Variants in TIAM2 observed in about 807,000 individuals in gnomAD.
The protein encoded by TIAM2 is rho guanine nucleotide exchange factor TIAM2.
A neutral mutation model predicts 152.9 loss-of-function variants in TIAM2; 80 were observed. That is an observed-to-expected ratio of 0.52 (90% CI 0.44 to 0.63). TIAM2 has a LOEUF of 0.63. Among genes scored for constraint, TIAM2 ranks in the 30% least tolerant of loss-of-function variants. The pLI is 0.00. For missense variants in TIAM2, 1,965 were observed against 2,120.1 expected, an observed-to-expected ratio of 0.93 and a Z score of 1.44; for synonymous variants, 804 against 838.0, an observed-to-expected ratio of 0.96 and a Z score of 0.70.
intron 1 of TIAM2, among the ~76,000 whole-genome samples, chr6:155,051,316 A>T (rs1777311665): frequency 1.3e-5 from 2 of 152,204 alleles, no homozygotes; most frequent in East Asian, 3.9e-4. Context: ...CTGGGAGCAG[A>T]GCCCGCTTAC....
At chr6:155,167,962 C>T (rs952502422) in intron 9 of TIAM2, among the ~76,000 whole-genome samples, 6 of 152,076 alleles carry the variant, frequency 3.9e-5, no homozygotes, top group African/African-American at 1.4e-4. Flanking sequence ...ATGGTTTTTA[C>T]CCAGCATCTG....
chr6:155,202,021 A>T (rs1427117719), intron 14 of TIAM2, among the ~76,000 whole-genome samples: 1 of 106,034 alleles, frequency 9.4e-6, no homozygotes, highest in Non-Finnish European at 1.9e-5. Flanking sequence ...TTTCCCTGAC[A>T]TGAGTCATAA....
chr6:155,088,822 T>C (rs1778231891), intron 1 of TIAM2, among the ~76,000 whole-genome samples: 1 of 152,086 alleles, frequency 6.6e-6, no homozygotes, highest in African/African-American at 2.4e-5. Context: ...TTTTAAAAGC[T>C]CATCAGCTAT....
chr6:155,185,861 T>A (rs1316240953), intron 14 of TIAM2, among the ~76,000 whole-genome samples: 2 of 152,146 alleles, frequency 1.3e-5, no homozygotes, highest in Non-Finnish European at 2.9e-5. Flanking sequence ...TCCCCTCTCC[T>A]AAGCTCCAGG....
chr6:155,189,904 T>C (rs1162611484), intron 14 of TIAM2, among the ~76,000 whole-genome samples: 2 of 152,078 alleles, frequency 1.3e-5, no homozygotes, highest in Non-Finnish European at 2.9e-5. Context: ...GGACAGGCCA[T>C]GGACCTGGAG....
intron 1 of TIAM2, among the ~76,000 whole-genome samples, chr6:155,045,357 C>T (rs1026157728): frequency 2.4e-4 from 37 of 151,954 alleles, no homozygotes; most frequent in South Asian, 2.1e-4. Flanking sequence ...CCACCACGCC[C>T]GGCAGAAAGC....
chr6:155,001,047 C>G (rs1479331732), intron 1 of TIAM2, among the ~76,000 whole-genome samples: 1 of 152,088 alleles, frequency 6.6e-6, no homozygotes, highest in Non-Finnish European at 1.5e-5. Flanking sequence ...TTTAGGGAAG[C>G]AAGCCTGGAA....
chr6:155,147,837 G>A (rs73794471), intron 6 of TIAM2, among the ~76,000 whole-genome samples: 2,398 of 152,248 alleles, frequency 0.016, 25 homozygotes, highest in Middle Eastern at 0.058. Context: ...CTCCCCTGTT[G>A]TTCTTATCAC....
chr6:155,118,349 T>C (rs1026433589), intron 2 of TIAM2, among the ~76,000 whole-genome samples: 13 of 152,318 alleles, frequency 8.5e-5, no homozygotes, highest in Admixed American at 8.5e-4. Flanking sequence ...TGGAGCACCG[T>C]GTCTTTGAAC....
intron 1 of TIAM2, among the ~76,000 whole-genome samples, chr6:155,030,534 G>A (rs768440560): frequency 1.3e-5 from 2 of 152,138 alleles, no homozygotes; most frequent in Non-Finnish European, 2.9e-5. Context: ...CAAACCGCAA[G>A]CCTCCTGGTA....
rs184312685 is a variant in TIAM2, at chr6:155,028,286, T to A, written c.-209+32794T>A. Among the ~76,000 whole-genome samples the A allele has an allele frequency of 2.3e-5, 3 of 130,220 alleles. 1 individual carries two copies. Among genetic ancestry groups the A allele is most frequent in the African/African-American group, 8.7e-5 (3 of 34,644 alleles). The allele number at this position is 130,220 out of a possible 152,430, so 85.4% of individuals were successfully genotyped here. On this transcript the variant is annotated intron_variant, in intron 1 of 26. Coordinates refer to ENST00000682666, the MANE Select transcript of TIAM2 (RefSeq NM_012454.4). Reference sequence around the variant, plus strand: ...TACTACATATAATATATGTACTGTGTTACATATATACTACATATATGTACT... The same window carrying A: ...TACTACATATAATATATGTACTGTGATACATATATACTACATATATGTACT...
intron 14 of TIAM2, among the ~76,000 whole-genome samples, chr6:155,191,045 G>T (rs1041428918): frequency 6.6e-6 from 1 of 152,194 alleles, no homozygotes; most frequent in Non-Finnish European, 1.5e-5. Flanking sequence ...CTCGTGTTTA[G>T]AGATAACTGT....
chr6:155,182,107 G>T (rs1243226296), intron 12 of TIAM2, 119 bp from the exon 13 acceptor site: 3 of 760,914 alleles, frequency 3.9e-6, no homozygotes, highest in South Asian at 3.7e-5. Flanking sequence ...CTGTAATTTC[G>T]ACTTTCTCAA....
At position 155,176,891 on chromosome 6, in the gene TIAM2, T is replaced by C. The variant is rs747789239; in HGVS notation, c.2437T>C (p.Tyr813His). ...PRDNAWEIQT[Y>H]VHFQDNHGVT... is the part of the protein sequence containing the mutation. ...AGACAATGCATGGGAAATCCAGACT[T>C]ATGTCCACTTTCAGGACAATCACGG... The change falls in exon 10 of 27, where the codon TAT (tyrosine) becomes CAT (histidine). Residue 813 changes from tyrosine to histidine, a missense_variant. Physicochemically the swap from Tyr to His is moderately conservative, Grantham distance 83 (BLOSUM62 2). Transcript: ENST00000682666. 9.3e-6 allele frequency: 15 copies of C among 1,613,996 alleles called. No homozygotes were observed. The highest frequency in any genetic ancestry group is 1.3e-5 in the Non-Finnish European group (15 of 1,179,996).
At position 155,156,550 on chromosome 6, in the gene TIAM2, C is replaced by T. The variant is rs185733580; in HGVS notation, c.2029-7865C>T. ...GCGCATACCTGTAATCCCAGCTACT[C>T]GGGAGGCTGAGGCAGGAGAATCGCT... On this transcript the variant is annotated intron_variant, in intron 7 of 26. Transcript: ENST00000682666. This position sits in a 1 kb window ranked among gnomAD's most constrained non-coding sequence, Gnocchi z 4.4. 2.6e-5 allele frequency among the ~76,000 whole-genome samples: 4 copies of T among 151,984 alleles called. No homozygotes were observed. The highest frequency in any genetic ancestry group is 6.5e-5 in the Admixed American group (1 of 15,270).
chr6:155,224,263 G>A (rs201925656), intron 15 of TIAM2, among the ~76,000 whole-genome samples: 1 of 152,150 alleles, frequency 6.6e-6, no homozygotes, highest in Non-Finnish European at 1.5e-5. Flanking sequence ...GGCTGCTTTT[G>A]CTTTTGCAAA....
intron 9 of TIAM2, among the ~76,000 whole-genome samples, chr6:155,165,918 G>A (rs1262663495): frequency 6.6e-6 from 1 of 152,006 alleles, no homozygotes; most frequent in African/African-American, 2.4e-5. Context: ...GTCACACTGC[G>A]TGCAGTGCTT....
intron 1 of TIAM2, among the ~76,000 whole-genome samples, chr6:155,035,857 G>T (rs1389793465): frequency 3.3e-5 from 5 of 152,156 alleles, no homozygotes; most frequent in African/African-American, 1.2e-4. Context: ...ATGGCCCTTG[G>T]AAGGCTGCGA....
At chr6:155,177,780 T>A (rs1780790459) in intron 10 of TIAM2, among the ~76,000 whole-genome samples, 1 of 152,238 alleles carries the variant, frequency 6.6e-6, no homozygotes, top group Admixed American at 6.5e-5. Flanking sequence ...AATTTCCTTT[T>A]GCTCCCATAT....
Sources: gnomAD v4.1 joint callset for allele counts (sites outside exome capture counted in the v4.1 genomes callset) on GRCh38, gnomAD v4.1.1 for gene constraint, Gnocchi (gnomAD v3.1) non-coding constraint, MANE v1.5 for transcripts, NCBI Gene and HGNC (gene_info 2026-07-23, HGNC 2026-07-21) for gene names.